Variants in GRIK4 observed in about 807,000 individuals in gnomAD.
GRIK4 encodes the protein glutamate receptor ionotropic, kainate 4.
In GRIK4, 40 loss-of-function variants were observed where a neutral mutation model predicts 104.9. The ratio of observed to expected loss-of-function variants is 0.38; its 90% CI spans 0.30 to 0.50. The LOEUF (loss-of-function observed/expected upper bound fraction) is 0.50, where lower values mean the gene tolerates loss of function less well. Among genes scored for constraint, GRIK4 ranks in the 20% least tolerant of loss-of-function variants. The pLI is 0.93. For missense variants in GRIK4, 1,047 were observed against 1,308.1 expected (o/e 0.80, Z 3.08); for synonymous variants, 485 against 524.9 (o/e 0.92, Z 1.04).
intron 14 of GRIK4, among the ~76,000 whole-genome samples, chr11:120,941,085 G>A (rs1943712514): frequency 2.0e-5 from 3 of 152,192 alleles, no homozygotes; most frequent in African/African-American, 7.2e-5. Context: ...GGGAAGAGCA[G>A]AGGAAGAGTC....
chr11:120,983,889 A>G (rs1381881473), intron 20 of GRIK4, among the ~76,000 whole-genome samples: 1 of 152,186 alleles, frequency 6.6e-6, no homozygotes. Context: ...TTGTTATAGT[A>G]TTGTCACATG....
chr11:120,984,486 C>T (rs758270309), intron 20 of GRIK4, among the ~76,000 whole-genome samples: 4 of 152,134 alleles, frequency 2.6e-5, no homozygotes, highest in Admixed American at 2.0e-4. Flanking sequence ...ACAGGCCCAT[C>T]GGCCAGGCAC....
chr11:120,621,528 A>G (rs143657541), intron 1 of GRIK4, among the ~76,000 whole-genome samples: 1 of 152,278 alleles, frequency 6.6e-6, no homozygotes, highest in East Asian at 1.9e-4. Flanking sequence ...CAGTGAGGCA[A>G]GGGAGGGTCT....
At chr11:120,874,340 A>G (rs973135398) in intron 10 of GRIK4, 122 bp downstream of exon 10, 21 of 746,406 alleles carry the variant, frequency 2.8e-5, no homozygotes, top group Non-Finnish European at 3.7e-5. Context: ...TTACAGCCCC[A>G]GATAAATCAG....
chr11:120,745,259 C>T (rs994140423), intron 3 of GRIK4, among the ~76,000 whole-genome samples: 8 of 152,196 alleles, frequency 5.3e-5, no homozygotes, highest in Non-Finnish European at 1.0e-4. Flanking sequence ...CTGCCTCTCT[C>T]TCGCCTGCCA....
chr11:120,867,938 G>T (rs1483705750), intron 9 of GRIK4: 1 of 152,178 alleles, frequency 6.6e-6, no homozygotes, highest in Admixed American at 6.5e-5. Context: ...GCAGATGTTT[G>T]TAATTAAGTG....
chr11:120,812,450 G>T (rs947884311), intron 4 of GRIK4, among the ~76,000 whole-genome samples: 3 of 152,220 alleles, frequency 2.0e-5, no homozygotes, highest in Non-Finnish European at 4.4e-5. Context: ...GAAGTGTGGA[G>T]ATCCAACCAG....
chr11:120,916,151 AC>A (rs1429239087), intron 13 of GRIK4, among the ~76,000 whole-genome samples: 4 of 152,158 alleles, frequency 2.6e-5, no homozygotes, highest in African/African-American at 9.7e-5. Flanking sequence ...TCTGTCCTCA[AC>A]CCTCTTATCT....
chr11:120,931,694 G>C (rs1565446743), intron 13 of GRIK4, among the ~76,000 whole-genome samples: 1 of 152,202 alleles, frequency 6.6e-6, no homozygotes, highest in South Asian at 2.1e-4. Context: ...TGTGGATACT[G>C]AGTGAGGTAA....
At chr11:120,599,876 C>A (rs1948859516) in intron 1 of GRIK4, among the ~76,000 whole-genome samples, 1 of 152,220 alleles carries the variant, frequency 6.6e-6, no homozygotes, top group African/African-American at 2.4e-5. Flanking sequence ...CAAGGGAACC[C>A]CTGCCCCAGA....
At chr11:120,703,977 T>C (rs962691605) in intron 3 of GRIK4, among the ~76,000 whole-genome samples, 1 of 152,238 alleles carries the variant, frequency 6.6e-6, no homozygotes, top group African/African-American at 2.4e-5. Context: ...ATGGCTAAAC[T>C]TAGAACCACA....
chr11:120,988,790 GAAAC>G lies in GRIK4; in HGVS notation c.*2534_*2537del, dbSNP rs997044861. On this transcript the variant is annotated 3_prime_UTR_variant, in exon 21 of 21. Transcript: ENST00000527524. Reference sequence around the variant, plus strand: ...CAACTGGAATATTTACAATAAAACAGAAACAAATCCTGAAATGTTAGTGATGGAT... The same window carrying G: ...CAACTGGAATATTTACAATAAAACAGAAATCCTGAAATGTTAGTGATGGAT... The G allele has an allele frequency of 1.3e-5, 2 of 152,194 alleles. No homozygotes were observed. The highest frequency in any genetic ancestry group is 4.8e-5 in the African/African-American group (2 of 41,440). 9.4% of individuals were successfully genotyped at this position (152,194 alleles called of 1,614,324 possible). A position where few individuals can be genotyped will look rare whatever the true frequency, so the allele number is the denominator to read the frequency against.
intron 3 of GRIK4, among the ~76,000 whole-genome samples, chr11:120,726,874 A>T (rs1951035677): frequency 6.6e-6 from 1 of 152,230 alleles, no homozygotes; most frequent in Admixed American, 6.5e-5. Flanking sequence ...ATGAAACAAC[A>T]AAATAACAAA....
At chr11:120,747,150 A>G (rs1028499136) in intron 3 of GRIK4, among the ~76,000 whole-genome samples, 15 of 152,344 alleles carry the variant, frequency 9.8e-5, no homozygotes, top group African/African-American at 3.6e-4. Context: ...CTTTCTCAGT[A>G]TCAGCAGACC....
At chr11:120,532,053 T>C (rs910061788) in intron 1 of GRIK4, among the ~76,000 whole-genome samples, 1 of 152,164 alleles carries the variant, frequency 6.6e-6, no homozygotes, top group Non-Finnish European at 1.5e-5. Flanking sequence ...AAGGTCTCCA[T>C]TCAGGAGCGC....
Position 120,986,391 on chromosome 11 carries a change from T to G in GRIK4, c.*131T>G. On this transcript the variant is annotated 3_prime_UTR_variant, in exon 21 of 21. Coordinates refer to ENST00000527524, the MANE Select transcript of GRIK4 (RefSeq NM_014619.5). ...CTCCAGATTTCGGATCCAGTCACTT[T>G]TCAAAAAGATCAAGGAGCCTGACGC... 8.2e-7 allele frequency: 1 copy of G among 1,218,236 alleles called. No individual in the cohort carries two copies. The highest frequency in any genetic ancestry group is 1.1e-6 in the Non-Finnish European group (1 of 929,010). 75.5% of individuals were successfully genotyped at this position (1,218,236 alleles called of 1,614,324 possible).
intron 1 of GRIK4, among the ~76,000 whole-genome samples, chr11:120,567,760 T>C (rs1948348999): frequency 6.6e-6 from 1 of 152,220 alleles, no homozygotes; most frequent in African/African-American, 2.4e-5. Flanking sequence ...TGAGTGGGTA[T>C]GGGATGTCAA....
intron 19 of GRIK4, among the ~76,000 whole-genome samples, chr11:120,978,252 T>C (rs1282233658): frequency 3.3e-5 from 5 of 152,216 alleles, no homozygotes; most frequent in African/African-American, 1.2e-4. Flanking sequence ...ACTAGTGTAT[T>C]ATTTTATGCA....
At chr11:120,884,717 C>T (rs1012640631) in intron 11 of GRIK4, among the ~76,000 whole-genome samples, 6 of 152,350 alleles carry the variant, frequency 3.9e-5, no homozygotes, top group South Asian at 2.1e-4. Flanking sequence ...AAGGCCTGCC[C>T]GACAGAGCGC....
Sources: gnomAD v4.1 joint callset for allele counts (sites outside exome capture counted in the v4.1 genomes callset) on GRCh38, gnomAD v4.1.1 for gene constraint, MANE v1.5 for transcripts, NCBI Gene and HGNC (gene_info 2026-07-23, HGNC 2026-07-21) for gene names.